TMEM131: variants seen among roughly 807,000 people sequenced by gnomAD.
TMEM131 encodes the protein transmembrane protein 131.
In TMEM131, 66 loss-of-function variants were observed where a neutral mutation model predicts 211.6. The observed-to-expected ratio is 0.31, with a 90% CI of 0.26 to 0.38. TMEM131 has a LOEUF of 0.38. TMEM131 is among the 10% of genes least tolerant of loss of function. The pLI, the probability that TMEM131 is intolerant of heterozygous loss-of-function variation, is 1.00. For missense variants in TMEM131, 2,036 were observed against 2,299.3 expected (o/e 0.89, Z 2.34); for synonymous variants, 844 against 841.3 (o/e 1.00, Z -0.06).
Position 97,792,858 on chromosome 2 carries a change from G to A in TMEM131, c.3672C>T (p.His1224=). ...CGPSVHPHSS[H]SNRNSADVEN... ...CCACGTCAGCTGAGTTTCTATTGCT[G>A]TGACTGCTGTGTGGGTGGACCGATG... The change falls in exon 31 of 41, where the codon CAC becomes CAT. Residue 1224 remains histidine (H), a synonymous_variant. Coordinates refer to ENST00000186436, the MANE Select transcript of TMEM131 (RefSeq NM_015348.2). 1 of 1,613,842 alleles carries A rather than the reference G, an allele frequency of 6.2e-7. No homozygotes were observed. The highest frequency in any genetic ancestry group is 8.5e-7 in the Non-Finnish European group (1 of 1,179,884).
chr2:97,766,168 T>C lies in TMEM131; in HGVS notation c.4669A>G (p.Lys1557Glu), dbSNP rs568358446. The C allele has an allele frequency of 1.9e-6, 3 of 1,614,022 alleles. No individual in the cohort carries two copies. The highest frequency in any genetic ancestry group is 1.7e-5 in the Admixed American group (1 of 60,026). The change falls in exon 35 of 41, where the codon AAA becomes GAA. Residue 1557 changes from lysine (K) to glutamate (E), a missense_variant. This residue lies in a region of TMEM131 where 1,623 missense variants were observed against 1,805.9 expected (regional missense o/e 0.90). Coordinates refer to ENST00000186436, the MANE Select transcript of TMEM131 (RefSeq NM_015348.2). ...TCCCACTCCGGTGGAGGAGAGTCTT[T>C]TTCACCCTCTGAGCTACTGGTGTTG... ...LGNTSSSEGE[K>E]DSPPPEWDSV...
chr2:97,937,283 A>G (rs1677491108), intron 1 of TMEM131, among the ~76,000 whole-genome samples: 1 of 152,172 alleles, frequency 6.6e-6, no homozygotes, highest in African/African-American at 2.4e-5. Flanking sequence ...AACTAAAATA[A>G]TTCATCAGAG....
At chr2:97,827,472 T>C in intron 11 of TMEM131, 2 of 1,012,590 alleles carry the variant, frequency 2.0e-6, no homozygotes, top group Non-Finnish European at 3.2e-6. Flanking sequence ...AAGATTTACC[T>C]GCAGAAAATG....
intron 1 of TMEM131, among the ~76,000 whole-genome samples, chr2:97,983,651 C>G (rs991255021): frequency 6.6e-6 from 1 of 152,174 alleles, no homozygotes; most frequent in African/African-American, 2.4e-5. Context: ...CCAATAAATA[C>G]GAAAGGACTG....
chr2:97,881,242 CTT>C (rs10713748), intron 4 of TMEM131, among the ~76,000 whole-genome samples: 3,715 of 144,662 alleles, frequency 0.026, 160 homozygotes, highest in African/African-American at 0.089. Context: ...TCTTGCGACT[CTT>C]TTTTTTTTTT....
chr2:97,953,964 A>G (rs2104542052), intron 1 of TMEM131, among the ~76,000 whole-genome samples: 1 of 152,346 alleles, frequency 6.6e-6, no homozygotes, highest in South Asian at 2.1e-4. Context: ...TAGAACAGCA[A>G]AAAATACATA....
In TMEM131 at chr2:97,802,475, C is replaced by T; in HGVS notation, c.2604G>A (p.Leu868=). 4.3e-6 allele frequency: 7 copies of T among 1,612,468 alleles called. No individual in the cohort carries two copies. Among genetic ancestry groups the T allele is most frequent in the Non-Finnish European group, 5.9e-6 (7 of 1,179,352 alleles). Residue 868 remains leucine, a synonymous_variant, in exon 24 of 41, where the codon CTG becomes CTA. Coordinates refer to ENST00000186436, the MANE Select transcript of TMEM131 (RefSeq NM_015348.2). ...ACACTGAAGGGTTGGAATATAAAGC[C>T]AGAGGAATAAACTGAACATAGACAG... ...DVPVYVQFIP[L]ALYSNPSVFV...
intron 22 of TMEM131, 66 bp downstream of exon 22, chr2:97,805,022 G>A: frequency 9.4e-7 from 1 of 1,067,264 alleles, no homozygotes; most frequent in South Asian, 2.1e-5. Context: ...ATATAATTTA[G>A]AAAGCATTAT....
chr2:97,772,893 C>A (rs377387013), intron 32 of TMEM131, among the ~76,000 whole-genome samples: 1 of 152,184 alleles, frequency 6.6e-6, no homozygotes, highest in Non-Finnish European at 1.5e-5. Flanking sequence ...GAGACGCCAT[C>A]TCAAAAAATA....
intron 31 of TMEM131, among the ~76,000 whole-genome samples, chr2:97,784,817 T>C (rs1324512797): frequency 6.6e-6 from 1 of 152,126 alleles, no homozygotes; most frequent in Admixed American, 6.5e-5. Flanking sequence ...ACAAAGCTGT[T>C]CTTTGATTAG....
intron 2 of TMEM131, among the ~76,000 whole-genome samples, chr2:97,924,834 T>G (rs1311131391): frequency 1.3e-5 from 2 of 152,110 alleles, no homozygotes; most frequent in African/African-American, 4.8e-5. Context: ...CAACCCCCCT[T>G]TAAAATGAGG....
chr2:97,826,821 A>T (rs1050168872), intron 11 of TMEM131, among the ~76,000 whole-genome samples: 6 of 152,224 alleles, frequency 3.9e-5, no homozygotes, highest in African/African-American at 1.2e-4. Context: ...TAACACTCCA[A>T]TACCACCTTG....
rs190102071 is a variant in TMEM131, at chr2:97,906,071, T to C, written c.290+2587A>G. On this transcript the variant is annotated intron_variant, in intron 3 of 40. Transcript: ENST00000186436. ...ATGCTGTAAGCCTCTCAGGGTTTAGTTGTAAGGGGTATCAAGACACCTAAG... is the reference window on the plus strand; with the variant it reads ...ATGCTGTAAGCCTCTCAGGGTTTAGCTGTAAGGGGTATCAAGACACCTAAG... Among the ~76,000 whole-genome samples the C allele has an allele frequency of 2.6e-5, 4 of 152,288 alleles. No individual in the cohort carries two copies. In the East Asian group the frequency reaches 7.7e-4, roughly 29 times the overall value.
At chr2:97,830,475 T>C (rs17424579) in intron 11 of TMEM131, among the ~76,000 whole-genome samples, 7,856 of 152,294 alleles carry the variant, frequency 0.052, 254 homozygotes, top group Non-Finnish European at 0.076. Flanking sequence ...CAAGTGAAAT[T>C]CAACGGTCCG....
chr2:97,952,820 G>C (rs1009278944), intron 1 of TMEM131, among the ~76,000 whole-genome samples: 2 of 152,158 alleles, frequency 1.3e-5, no homozygotes, highest in Non-Finnish European at 2.9e-5. Context: ...TCAAGCTGCA[G>C]TGAGCCATGA....
chr2:97,850,583 T>C lies in TMEM131; in HGVS notation c.484-6322A>G, dbSNP rs554486891. Among the ~76,000 whole-genome samples the C allele has an allele frequency of 4.6e-5, 7 of 152,088 alleles. No individual in the cohort carries two copies. In the East Asian group the frequency reaches 1.4e-3, roughly 29 times the overall value. ...GGGTCTCAATTTCTGATATAAAAGA[T>C]GTGAAAAAAACATTTACCTATGTAA... On this transcript the variant is annotated intron_variant, in intron 5 of 40. Transcript: ENST00000186436.
chr2:97,862,361 A>G (rs1674104480), intron 4 of TMEM131, among the ~76,000 whole-genome samples: 2 of 152,200 alleles, frequency 1.3e-5, no homozygotes, highest in African/African-American at 4.8e-5. Context: ...CCAGGAAAAC[A>G]TGACTTCCTT....
chr2:97,917,825 G>C (rs1178012288), intron 2 of TMEM131, among the ~76,000 whole-genome samples: 3 of 152,140 alleles, frequency 2.0e-5, no homozygotes, highest in Non-Finnish European at 2.9e-5. Flanking sequence ...CATCAGGTAG[G>C]TAAGGTATGG....
Position 97,775,942 on chromosome 2 carries a change from C to T in TMEM131, c.4221G>A (p.Lys1407=), listed in dbSNP as rs1459534792. ...AGTCCTTCAGCTCATCTTCCTGTGG[C>T]TTTCCCTTTCCCTTCTTCTCCTTTT... ...QEEKEKKGKG[K]PQEDELKDSL... Residue 1407 remains lysine (K), a synonymous_variant, in exon 32 of 41, where the codon AAG becomes AAA. Transcript: ENST00000186436. 25 of 1,613,980 alleles carry T rather than the reference C, an allele frequency of 1.5e-5. No individual in the cohort carries two copies. The highest frequency in any genetic ancestry group is 2.1e-5 in the Non-Finnish European group (25 of 1,179,878).
Sources: allele counts gnomAD v4.1 joint callset (sites outside exome capture counted in the v4.1 genomes callset), GRCh38; gene constraint gnomAD v4.1.1; regional missense constraint gnomAD v4.1.1; transcripts MANE v1.5; gene names NCBI Gene and HGNC (gene_info 2026-07-23, HGNC 2026-07-21).